Variants in SRD5A1 observed in about 807,000 individuals in gnomAD.
SRD5A1 encodes the protein 3-oxo-5-alpha-steroid 4-dehydrogenase 1.
A neutral mutation model predicts 28.2 loss-of-function variants in SRD5A1; 22 were observed. That is an observed-to-expected ratio of 0.78 (90% confidence interval 0.56 to 1.12). The LOEUF is 1.12. SRD5A1 is among the 50% of genes most tolerant of loss of function. The probability of loss-of-function intolerance (pLI) is 0.00; values close to 1 mark genes in which losing one functional copy is unlikely to be tolerated. For synonymous variants in SRD5A1, 151 were observed against 135.0 expected (o/e 1.12, Z -0.82); for missense variants, 300 against 346.7 (o/e 0.87, Z 1.07).
rs551026935 is a variant in SRD5A1, at chr5:6,664,257, CAG to C, written c.713+1297_713+1298del. On this transcript the variant is annotated intron_variant, in intron 4 of 4. Coordinates refer to ENST00000274192, the MANE Select transcript of SRD5A1 (RefSeq NM_001047.4). ...TTATCATCTTTTTTGGGACTAAGGA[CAG>C]AGAGAAAAAGCTAAAAGAAGAATAG... 1.8e-3 allele frequency among the ~76,000 whole-genome samples: 279 copies of C among 152,084 alleles called. 1 individual carries two copies. The highest frequency in any genetic ancestry group is 6.4e-3 in the African/African-American group (264 of 41,454).
chr5:6,661,346 G>A (rs1478896984), intron 3 of SRD5A1, among the ~76,000 whole-genome samples: 3 of 143,854 alleles, frequency 2.1e-5, no homozygotes, highest in African/African-American at 7.9e-5. Flanking sequence ...TTCCACACCA[G>A]CCTAGCCAGC....
intron 1 of SRD5A1, among the ~76,000 whole-genome samples, chr5:6,641,830 C>G (rs756693664): frequency 7.2e-5 from 11 of 152,230 alleles, no homozygotes; most frequent in Non-Finnish European, 1.6e-4. Flanking sequence ...GTCCTCACTC[C>G]CAGAGCACAG....
chr5:6,667,240 G>A (rs960516389), intron 4 of SRD5A1, among the ~76,000 whole-genome samples: 8 of 152,240 alleles, frequency 5.3e-5, no homozygotes, highest in Admixed American at 1.3e-4. Context: ...GGGAAGTGAC[G>A]CTTGATCCGG....
chr5:6,657,149 C>T (rs1339154666), intron 3 of SRD5A1, among the ~76,000 whole-genome samples: 1 of 152,180 alleles, frequency 6.6e-6, no homozygotes, highest in Non-Finnish European at 1.5e-5. Flanking sequence ...TCCTAGAAAC[C>T]ATATGAGAAT....
chr5:6,643,222 A>G (rs770461352), intron 1 of SRD5A1, among the ~76,000 whole-genome samples: 11 of 152,166 alleles, frequency 7.2e-5, no homozygotes, highest in Non-Finnish European at 1.2e-4. Flanking sequence ...AACTCCTCAA[A>G]TAAACAACTG....
At chr5:6,646,240 A>G (rs928502327) in intron 1 of SRD5A1, among the ~76,000 whole-genome samples, 2 of 152,198 alleles carry the variant, frequency 1.3e-5, no homozygotes, top group Non-Finnish European at 2.9e-5. Flanking sequence ...TATCCAGACT[A>G]TCATTGATGG....
intron 1 of SRD5A1, among the ~76,000 whole-genome samples, chr5:6,637,610 G>A (rs1224181369): frequency 2.0e-5 from 3 of 152,166 alleles, no homozygotes; most frequent in African/African-American, 7.2e-5. Flanking sequence ...CCCACTATCA[G>A]CAGTGAATTA....
intron 1 of SRD5A1, among the ~76,000 whole-genome samples, chr5:6,639,225 A>AC (rs1579394403): frequency 6.6e-6 from 1 of 152,314 alleles, no homozygotes. Context: ...AGACGACAAA[A>AC]CCCAAACATC....
intron 4 of SRD5A1, among the ~76,000 whole-genome samples, chr5:6,666,919 G>T (rs962481801): frequency 2.6e-5 from 4 of 152,148 alleles, no homozygotes; most frequent in Non-Finnish European, 5.9e-5. Flanking sequence ...TGCCTTTTCG[G>T]GCCAGGGTGC....
intron 3 of SRD5A1, among the ~76,000 whole-genome samples, chr5:6,659,305 G>A (rs1738931716): frequency 6.6e-6 from 1 of 151,848 alleles, no homozygotes; most frequent in Non-Finnish European, 1.5e-5. Context: ...ACTAGAGATG[G>A]GGTTTCACCG....
In SRD5A1 at chr5:6,673,795, C is replaced by G. The variant is rs911870635; in HGVS notation, c.*5527C>G. ...TCAGAGATTTTTTTTTAACAAAGAG[C>G]TATCAAGCCATGAAAAGATAAGGAA... On this transcript the variant is annotated 3_prime_UTR_variant, in exon 5 of 5. Transcript: ENST00000274192. The G allele has an allele frequency of 6.6e-6, 1 of 151,846 alleles. No individual in the cohort carries two copies. The highest frequency in any genetic ancestry group is 1.5e-5 in the Non-Finnish European group (1 of 67,980). The allele number at this position is 151,846 out of a possible 1,614,324, so 9.4% of individuals were successfully genotyped here. A position where few individuals can be genotyped will look rare whatever the true frequency, so the allele number is the denominator to read the frequency against.
intron 3 of SRD5A1, among the ~76,000 whole-genome samples, chr5:6,659,234 C>G (rs978852375): frequency 6.6e-6 from 1 of 151,978 alleles, no homozygotes; most frequent in Non-Finnish European, 1.5e-5. Context: ...TTGCCTCAGC[C>G]CCCCGAGTAG....
In SRD5A1 at chr5:6,652,127, CA is replaced by C. The variant is rs1262562559; in HGVS notation, c.460+120del. On this transcript the variant is annotated intron_variant, in intron 2 of 4. Transcript: ENST00000274192. Reference sequence around the variant, plus strand: ...GTGAGAACAAAGACAACAGAGAAAGCAGCAGCACCCCGGAGTCCCATGGGAG... The same window carrying C: ...GTGAGAACAAAGACAACAGAGAAAGCGCAGCACCCCGGAGTCCCATGGGAG... 91 of 1,188,234 alleles carry C rather than the reference CA, an allele frequency of 7.7e-5. 1 individual carries two copies. In the South Asian group the frequency reaches 1.4e-3, roughly 18 times the overall value. The allele number at this position is 1,188,234 out of a possible 1,614,324, so 73.6% of individuals were successfully genotyped here. A position where few individuals can be genotyped will look rare whatever the true frequency, so the allele number is the denominator to read the frequency against.
At chr5:6,646,498 C>G (rs371997390) in intron 1 of SRD5A1, among the ~76,000 whole-genome samples, 2 of 152,144 alleles carry the variant, frequency 1.3e-5, no homozygotes, top group African/African-American at 4.8e-5. Flanking sequence ...CTGGTTTAAT[C>G]TTGGGAGGGC....
chr5:6,660,452 G>A (rs953724323), intron 3 of SRD5A1, among the ~76,000 whole-genome samples: 13 of 152,350 alleles, frequency 8.5e-5, no homozygotes, highest in Middle Eastern at 3.4e-3. Flanking sequence ...GTCCTTCCAC[G>A]TCTGGGATTC....
intron 1 of SRD5A1, among the ~76,000 whole-genome samples, chr5:6,648,206 TA>T (rs1413611876): frequency 6.6e-6 from 1 of 152,210 alleles, no homozygotes; most frequent in Admixed American, 6.5e-5. Context: ...TGGCTGCCCT[TA>T]ACATTTTTTC....
intron 1 of SRD5A1, chr5:6,644,965 CAGG>C (rs1240864768): frequency 2.2e-6 from 1 of 455,782 alleles, no homozygotes; most frequent in Non-Finnish European, 4.4e-6. Context: ...CTGCAGCTTC[CAGG>C]AGAATACCCA....
chr5:6,660,681 G>A (rs530511178), intron 3 of SRD5A1, among the ~76,000 whole-genome samples: 1 of 152,172 alleles, frequency 6.6e-6, no homozygotes, highest in African/African-American at 2.4e-5. Context: ...TGGGCATTAA[G>A]TTTGATATTT....
Position 6,633,651 on chromosome 5 carries a change from C to T in SRD5A1, c.75C>T (p.Cys25=). Residue 25 remains cysteine, a synonymous_variant, in exon 1 of 5, where the codon TGC becomes TGT. Transcript: ENST00000274192. ...CCTACCTGCAGTGCGCCGTGGGCTG[C>T]GCGGTCTTCGCGCGCAATCGTCAGA... ...ALAYLQCAVG[C]AVFARNRQTN... The T allele has an allele frequency of 1.3e-6, 2 of 1,567,816 alleles. No individual in the cohort carries two copies. The highest frequency in any genetic ancestry group is 1.7e-4 in the Middle Eastern group (1 of 5,974).
Sources: gnomAD v4.1 joint callset for allele counts (sites outside exome capture counted in the v4.1 genomes callset) on GRCh38, gnomAD v4.1.1 for gene constraint, MANE v1.5 for transcripts, NCBI Gene and HGNC (gene_info 2026-07-23, HGNC 2026-07-21) for gene names.